BACH2: variants seen among roughly 807,000 people sequenced by gnomAD.
BACH2 encodes BACH transcriptional regulator 2.
A neutral mutation model predicts 61.8 loss-of-function variants in BACH2; 5 were observed. That is an observed-to-expected ratio of 0.08 (90% CI 0.04 to 0.17). The LOEUF (loss-of-function observed/expected upper bound fraction) is 0.17, where lower values mean the gene tolerates loss of function less well. BACH2 is among the 10% of genes least tolerant of loss of function. The pLI is 1.00. For synonymous variants in BACH2, 446 were observed against 440.1 expected, an observed-to-expected ratio of 1.01 and a Z score of -0.17; for missense variants, 824 against 1,091.1, an observed-to-expected ratio of 0.76 and a Z score of 3.45.
chr6:90,155,822 C>T (rs903376732), intron 4 of BACH2, among the ~76,000 whole-genome samples: 22 of 152,286 alleles, frequency 1.4e-4, no homozygotes, highest in South Asian at 4.1e-4. Context: ...CAATTTGTGT[C>T]TGTTTTGTTC....
chr6:90,296,316 C>A (rs576882756), intron 1 of BACH2, among the ~76,000 whole-genome samples, 164 bp downstream of exon 1: 1 of 151,462 alleles, frequency 6.6e-6, no homozygotes, highest in Non-Finnish European at 1.5e-5. Flanking sequence ...GCCATAAAAG[C>A]GGGCAGGGCG....
intron 1 of BACH2, among the ~76,000 whole-genome samples, chr6:90,288,212 T>C (rs138109675): frequency 4.8e-4 from 73 of 152,248 alleles, no homozygotes; most frequent in African/African-American, 1.7e-3. Context: ...TGAACCCACA[T>C]AGATATTCTA....
chr6:90,277,108 C>T (rs1343880749), intron 1 of BACH2, among the ~76,000 whole-genome samples: 1 of 152,178 alleles, frequency 6.6e-6, no homozygotes, highest in Non-Finnish European at 1.5e-5. Context: ...TCAGCCTCAT[C>T]TACAAGACAT....
At chr6:90,272,205 C>A (rs1421737015) in intron 1 of BACH2, among the ~76,000 whole-genome samples, 5 of 152,000 alleles carry the variant, frequency 3.3e-5, no homozygotes, top group Non-Finnish European at 5.9e-5. Context: ...ATCTTATGTC[C>A]CCCTTTCACT....
chr6:90,128,213 A>G (rs1213929793), intron 4 of BACH2, among the ~76,000 whole-genome samples: 1 of 152,164 alleles, frequency 6.6e-6, no homozygotes, highest in Non-Finnish European at 1.5e-5. Context: ...CAAGATGCAA[A>G]TGACTGACAA....
intron 1 of BACH2, among the ~76,000 whole-genome samples, chr6:90,279,772 T>A (rs547927547): frequency 5.9e-5 from 9 of 152,318 alleles, no homozygotes; most frequent in Admixed American, 3.3e-4. Context: ...ATCTCTTATT[T>A]TAAGTCATTT....
Position 90,191,997 on chromosome 6 carries a change from C to G in BACH2, c.-162+14572G>C, listed in dbSNP as rs563043799. 3.3e-5 allele frequency among the ~76,000 whole-genome samples: 5 copies of G among 152,312 alleles called. 1 individual carries two copies. The South Asian group carries it at 8.3e-4, about 25-fold the overall frequency. ...ACTGTTCAAATGACTAGCTTTGCTA[C>G]AGTACAACTGTCAGTTTTTTGACCA... On this transcript the variant is annotated intron_variant, in intron 4 of 8. Coordinates refer to ENST00000257749, the MANE Select transcript of BACH2 (RefSeq NM_021813.4).
intron 4 of BACH2, among the ~76,000 whole-genome samples, chr6:90,115,879 T>C (rs1036035042): frequency 1.1e-4 from 17 of 152,026 alleles, no homozygotes; most frequent in African/African-American, 3.6e-4. Flanking sequence ...CAAACACTTC[T>C]CAAAAGACAT....
At chr6:90,113,329 C>G (rs1181569008) in intron 4 of BACH2, among the ~76,000 whole-genome samples, 1 of 152,130 alleles carries the variant, frequency 6.6e-6, no homozygotes, top group African/African-American at 2.4e-5. Flanking sequence ...AAGGCACATA[C>G]TCTAAAATAG....
At position 89,929,493 on chromosome 6, in the gene BACH2, T is replaced by C. The variant is rs1772521472; in HGVS notation, c.*2915A>G. The stretch of plus-strand genomic sequence containing the variant: ...AACAACTGCACGAAGCTAGTCACTG[T>C]TCATGGTGGATTATGAATGAAATAA... On this transcript the variant is annotated 3_prime_UTR_variant, in exon 9 of 9. Coordinates refer to ENST00000257749, the MANE Select transcript of BACH2 (RefSeq NM_021813.4). 1 of 152,340 alleles carries C rather than the reference T, an allele frequency of 6.6e-6. No homozygotes were observed. The highest frequency in any genetic ancestry group is 2.4e-5 in the African/African-American group (1 of 41,434). The allele number at this position is 152,340 out of a possible 1,614,324, so 9.4% of individuals were successfully genotyped here.
At chr6:89,937,445 G>A (rs932979808) in intron 8 of BACH2, among the ~76,000 whole-genome samples, 18 of 152,164 alleles carry the variant, frequency 1.2e-4, no homozygotes, top group Admixed American at 2.6e-4. Flanking sequence ...GAGTCATAGC[G>A]TTCATGTGAG....
intron 5 of BACH2, among the ~76,000 whole-genome samples, chr6:90,077,756 T>C (rs1781538428): frequency 6.6e-6 from 1 of 152,212 alleles, no homozygotes; most frequent in Admixed American, 6.5e-5. Context: ...TCATCACTTC[T>C]TGTCAGGTCT....
Position 89,951,286 on chromosome 6 carries a change from G to C in BACH2, c.820C>G (p.Gln274Glu). 6.2e-7 allele frequency: 1 copy of C among 1,614,132 alleles called. No individual in the cohort carries two copies. Among genetic ancestry groups the C allele is most frequent in the South Asian group, 1.1e-5 (1 of 91,070 alleles). The change falls in exon 7 of 9, where the codon CAG becomes GAG. Residue 274 changes from glutamine (Q) to glutamate (E), a missense_variant. Physicochemically the swap from Gln to Glu is conservative, Grantham distance 29 (BLOSUM62 2). Around this residue, in one of 8 missense-constraint regions of BACH2, gnomAD observed 226 missense variants for 228.5 expected, o/e 0.99. Coordinates refer to ENST00000257749, the MANE Select transcript of BACH2 (RefSeq NM_021813.4). The surrounding 1 kb of genome is among the most constrained non-coding windows in gnomAD (Gnocchi z 6.4). ...NSLKPGLARG[Q>E]IKSEPPSEEN... is the part of the protein sequence containing the mutation. ...TCACTGGGCGGCTCACTTTTAATCTGCCCCCTGGCAAGCCCCGGCTTGAGG... is the reference window on the plus strand; with the variant it reads ...TCACTGGGCGGCTCACTTTTAATCTCCCCCCTGGCAAGCCCCGGCTTGAGG...
chr6:90,131,372 A>C (rs1784072541), intron 4 of BACH2, among the ~76,000 whole-genome samples: 1 of 152,206 alleles, frequency 6.6e-6, no homozygotes, highest in Non-Finnish European at 1.5e-5. Context: ...CTTCAAAAGA[A>C]AGGGTCACCT....
intron 4 of BACH2, among the ~76,000 whole-genome samples, chr6:90,131,306 G>A (rs967117247): frequency 6.6e-6 from 1 of 152,212 alleles, no homozygotes; most frequent in Non-Finnish European, 1.5e-5. Context: ...ATCAGAGTAG[G>A]AGGCATCATT....
intron 5 of BACH2, among the ~76,000 whole-genome samples, chr6:90,069,645 C>T (rs1481774115): frequency 6.6e-6 from 1 of 152,154 alleles, no homozygotes; most frequent in Admixed American, 6.5e-5. Flanking sequence ...ACTCACCACT[C>T]CCTCCCCAAA....
chr6:90,204,132 G>A (rs1256187177), intron 4 of BACH2, among the ~76,000 whole-genome samples: 1 of 152,096 alleles, frequency 6.6e-6, no homozygotes, highest in African/African-American at 2.4e-5. Flanking sequence ...TAGAACGCCA[G>A]GGCCACCCTC....
At chr6:90,012,162 CT>C (rs1461623680) in intron 5 of BACH2, among the ~76,000 whole-genome samples, 1 of 152,024 alleles carries the variant, frequency 6.6e-6, no homozygotes, top group Non-Finnish European at 1.5e-5. Flanking sequence ...TAGTTTGATC[CT>C]TTGCATTTCC....
intron 6 of BACH2, among the ~76,000 whole-genome samples, chr6:89,958,343 G>C (rs893868678): frequency 8.5e-5 from 13 of 152,226 alleles, no homozygotes; most frequent in African/African-American, 2.4e-4. Context: ...GCAAGGTCTG[G>C]GGACTCCACT....
Sources: allele counts gnomAD v4.1 joint callset (sites outside exome capture counted in the v4.1 genomes callset), GRCh38; gene constraint gnomAD v4.1.1; regional missense constraint gnomAD v4.1.1; non-coding constraint Gnocchi (gnomAD v3.1); transcripts MANE v1.5; gene names NCBI Gene and HGNC (gene_info 2026-07-23, HGNC 2026-07-21).